The following ZFPM1 variants were observed in gnomAD, a reference collection of about 807,000 sequenced individuals.
ZFPM1 encodes zinc finger protein, FOG family member 1, also known as zinc finger protein ZFPM1.
In ZFPM1, 28 loss-of-function variants were observed where a neutral mutation model predicts 46.3. The observed-to-expected ratio is 0.60, with a 90% CI of 0.45 to 0.83. The LOEUF is 0.83. Ranked by LOEUF, ZFPM1 falls within the 40% of genes least tolerant of loss-of-function variation. The pLI, the probability that ZFPM1 is intolerant of heterozygous loss-of-function variation, is 0.00. For missense variants in ZFPM1, 1,878 were observed against 1,432.4 expected, an observed-to-expected ratio of 1.31 and a Z score of -5.02; for synonymous variants, 957 against 675.9, an observed-to-expected ratio of 1.42 and a Z score of -6.45.
chr16:88,478,635 G>A (rs1033461753), intron 1 of ZFPM1, among the ~76,000 whole-genome samples: 10 of 152,238 alleles, frequency 6.6e-5, no homozygotes, highest in South Asian at 2.1e-4. Flanking sequence ...ACAAATAAAC[G>A]AGGCTCCGGC....
intron 3 of ZFPM1, among the ~76,000 whole-genome samples, chr16:88,490,198 T>C (rs1025403540): frequency 1.3e-5 from 2 of 151,956 alleles, no homozygotes; most frequent in Non-Finnish European, 2.9e-5. Flanking sequence ...GGACTACAGG[T>C]GCCTGCCACC....
intron 4 of ZFPM1, 62 bp from the exon 5 acceptor site, chr16:88,526,752 G>T: frequency 6.6e-7 from 1 of 1,518,716 alleles, no homozygotes; most frequent in South Asian, 1.2e-5. Context: ...ACATACTCAC[G>T]GGAACCCCCA....
chr16:88,494,609 G>A lies in ZFPM1; in HGVS notation c.268+5456G>A, dbSNP rs116692340. The stretch of plus-strand genomic sequence containing the variant: ...CCGCGGGCCTCCAGGGTGAGTCGGG[G>A]CCCTGCAGTAGGGAGCAGAGGGTGC... On this transcript the variant is annotated intron_variant, in intron 3 of 9. Coordinates refer to ENST00000319555, the MANE Select transcript of ZFPM1 (RefSeq NM_153813.3). Among the ~76,000 whole-genome samples the A allele has an allele frequency of 4.3e-3, 650 of 152,312 alleles. 6 individuals are homozygous for A. The highest frequency in any genetic ancestry group is 0.015 in the African/African-American group (618 of 41,566).
rs572282028 is a variant in ZFPM1 at position 88,467,310 on chromosome 16, C to T, written c.40+13632C>T. Among the ~76,000 whole-genome samples, 116 of 152,308 alleles carry T rather than the reference C, an allele frequency of 7.6e-4. 1 individual carries two copies. The Middle Eastern group carries it at 0.01, about 13-fold the overall frequency. ...CCATGGCCCTGGTTCTCACACACAT[C>T]CCAGAGTCTCAGGTCTCAGTTTCCT... On this transcript the variant is annotated intron_variant, in intron 1 of 9. Transcript: ENST00000319555.
At chr16:88,479,173 C>T (rs1377232518) in intron 1 of ZFPM1, among the ~76,000 whole-genome samples, 2 of 152,166 alleles carry the variant, frequency 1.3e-5, no homozygotes, top group African/African-American at 2.4e-5. Flanking sequence ...CGGTGAGTCC[C>T]GAGTCCCAAC....
rs889126491 is a variant in ZFPM1, at chr16:88,532,227, G to A, written c.938G>A (p.Ser313Asn). 2.5e-6 allele frequency: 4 copies of A among 1,600,784 alleles called. No individual in the cohort carries two copies. Among genetic ancestry groups the A allele is most frequent in the South Asian group, 1.1e-5 (1 of 90,580 alleles). ...AGCTCCCTGGAGATCCACATGCGCA[G>A]CCACAGCGGTGAGCCCCCACCCCGG... ...SASSLEIHMR[S>N]HSGERPFVCL... The change falls in exon 7 of 10, where the codon AGC (serine) becomes AAC (asparagine). Residue 313 changes from serine to asparagine, a missense_variant. Coordinates refer to ENST00000319555, the MANE Select transcript of ZFPM1 (RefSeq NM_153813.3).
chr16:88,511,484 C>T (rs758742236), intron 3 of ZFPM1, among the ~76,000 whole-genome samples: 1 of 151,212 alleles, frequency 6.6e-6, no homozygotes, highest in Non-Finnish European at 1.5e-5. Flanking sequence ...TGTCTTCCTG[C>T]CCATTCCCAC....
At chr16:88,465,429 C>T (rs1031747163) in intron 1 of ZFPM1, among the ~76,000 whole-genome samples, 2 of 152,252 alleles carry the variant, frequency 1.3e-5, no homozygotes, top group African/African-American at 4.8e-5. Flanking sequence ...CTGCGCCTGT[C>T]TTGGGCCATG....
intron 7 of ZFPM1, 21 bp from the exon 8 acceptor site, chr16:88,532,593 C>A (rs1236553357): frequency 6.4e-7 from 1 of 1,551,694 alleles, no homozygotes. Context: ...GGGCACCGCT[C>A]TTACGCGCCC....
intron 1 of ZFPM1, among the ~76,000 whole-genome samples, chr16:88,470,007 G>T (rs1908341161): frequency 6.6e-6 from 1 of 152,094 alleles, no homozygotes; most frequent in African/African-American, 2.4e-5. Context: ...CATACAGTAG[G>T]TGCTCCATAA....
Position 88,471,491 on chromosome 16 carries a change from C to T in ZFPM1, c.41-14448C>T, listed in dbSNP as rs917670305. On this transcript the variant is annotated intron_variant, in intron 1 of 9. Coordinates refer to ENST00000319555, the MANE Select transcript of ZFPM1 (RefSeq NM_153813.3). The surrounding 1 kb of genome is among the most constrained non-coding windows in gnomAD (Gnocchi z 4.1). ...AGTGGGGGATGCCAGGACCCCGAGA[C>T]GACCATGCCCACAGTGGCTCCCACG... Among the ~76,000 whole-genome samples the T allele has an allele frequency of 5.6e-5, 8 of 144,074 alleles. No individual in the cohort carries two copies. Among genetic ancestry groups the T allele is most frequent in the East Asian group, 4.0e-4 (2 of 4,960 alleles). 94.5% of individuals were successfully genotyped at this position (144,074 alleles called of 152,430 possible). A position where few individuals can be genotyped will look rare whatever the true frequency, so the allele number is the denominator to read the frequency against.
intron 3 of ZFPM1, among the ~76,000 whole-genome samples, chr16:88,503,068 G>A (rs544808640): frequency 1.4e-4 from 21 of 152,256 alleles, no homozygotes; most frequent in Non-Finnish European, 1.5e-4. Context: ...GGCAGGGTGG[G>A]TGGATGAGCA....
intron 3 of ZFPM1, among the ~76,000 whole-genome samples, chr16:88,501,690 A>AT (rs1910345190): frequency 8.1e-6 from 1 of 123,636 alleles, no homozygotes; most frequent in African/African-American, 3.4e-5. Flanking sequence ...GTGTGGGTGC[A>AT]GGGCCTCTCC....
chr16:88,534,299 C>T lies in ZFPM1; in HGVS notation c.2341C>T (p.Leu781Phe). The change falls in exon 10 of 10, where the codon CTC (leucine) becomes TTC (phenylalanine). Residue 781 changes from leucine (L) to phenylalanine (F), a missense_variant. Leu to Phe is a conservative substitution (Grantham distance 22). Transcript: ENST00000319555. ...PGSGSGSGPG[L>F]APARSPGPAA... ...AAGCGGAAGCGGAAGCGGCCCCGGC[C>T]TCGCCCCTGCGCGCTCGCCCGGCCC... is the stretch of plus-strand genomic sequence containing the variant. 1.6e-6 allele frequency: 2 copies of T among 1,253,006 alleles called. No homozygotes were observed. Among genetic ancestry groups the T allele is most frequent in the Non-Finnish European group, 2.0e-6 (2 of 999,310 alleles). 77.6% of individuals were successfully genotyped at this position (1,253,006 alleles called of 1,614,324 possible). A position where few individuals can be genotyped will look rare whatever the true frequency, so the allele number is the denominator to read the frequency against.
intron 1 of ZFPM1, among the ~76,000 whole-genome samples, chr16:88,467,981 C>T (rs1032735621): frequency 2.0e-5 from 3 of 151,590 alleles, no homozygotes; most frequent in Non-Finnish European, 3.0e-5. Flanking sequence ...TGAGAACACA[C>T]TCTCAACCCG....
intron 4 of ZFPM1, among the ~76,000 whole-genome samples, chr16:88,525,149 A>T (rs1163515972): frequency 6.6e-6 from 1 of 152,218 alleles, no homozygotes; most frequent in East Asian, 1.9e-4. Flanking sequence ...GGTGGCCCAG[A>T]GGGGTCCCTG....
Position 88,535,166 on chromosome 16 carries a change from A to T in ZFPM1, c.*187A>T, listed in dbSNP as rs1913192957. 3 of 653,134 alleles carry T rather than the reference A, an allele frequency of 4.6e-6. No individual in the cohort carries two copies. Among genetic ancestry groups the T allele is most frequent in the Non-Finnish European group, 6.6e-6 (3 of 456,712 alleles). The allele number at this position is 653,134 out of a possible 1,614,324, so 40.5% of individuals were successfully genotyped here. On this transcript the variant is annotated 3_prime_UTR_variant, in exon 10 of 10. Coordinates refer to ENST00000319555, the MANE Select transcript of ZFPM1 (RefSeq NM_153813.3). Reference sequence around the variant, plus strand: ...AATAAAGAAGTTCAGTTTGATGAGCATGGTGGTGGGCCAGCCTAGTTCTCT... The same window carrying T: ...AATAAAGAAGTTCAGTTTGATGAGCTTGGTGGTGGGCCAGCCTAGTTCTCT...
At chr16:88,482,712 G>A (rs181548975) in intron 1 of ZFPM1, among the ~76,000 whole-genome samples, 2 of 152,212 alleles carry the variant, frequency 1.3e-5, no homozygotes, top group Non-Finnish European at 2.9e-5. Context: ...GCCAGAGCAG[G>A]TCACTGAGGC....
intron 3 of ZFPM1, among the ~76,000 whole-genome samples, chr16:88,512,524 G>C (rs1445968270): frequency 6.6e-6 from 1 of 152,150 alleles, no homozygotes; most frequent in Admixed American, 6.5e-5. Flanking sequence ...CTCGGACAAG[G>C]GGTCCTCTTG....
Sources: allele counts gnomAD v4.1 joint callset (sites outside exome capture counted in the v4.1 genomes callset), GRCh38; gene constraint gnomAD v4.1.1; non-coding constraint Gnocchi (gnomAD v3.1); transcripts MANE v1.5; gene names NCBI Gene and HGNC (gene_info 2026-07-23, HGNC 2026-07-21).